SUSD3: variants seen among roughly 807,000 people sequenced by gnomAD.
The protein encoded by SUSD3 is sushi domain containing 3, also known as sushi domain-containing protein 3.
SUSD3 carries 18 observed loss-of-function variants against 20.6 expected under a neutral mutation model. The ratio of observed to expected loss-of-function variants is 0.87; its 90% CI spans 0.60 to 1.30. SUSD3 has a LOEUF of 1.30. SUSD3 is among the 50% of genes most tolerant of loss of function. The pLI, the probability that SUSD3 is intolerant of heterozygous loss-of-function variation, is 0.00. For missense variants in SUSD3, 306 were observed against 346.9 expected (o/e 0.88, Z 0.94); for synonymous variants, 137 against 141.5 (o/e 0.97, Z 0.23).
intron 4 of SUSD3, among the ~76,000 whole-genome samples, chr9:93,083,599 G>A (rs1396317901): frequency 6.6e-6 from 1 of 152,224 alleles, no homozygotes; most frequent in East Asian, 1.9e-4. Context: ...CCGTTTTCCA[G>A]GTGAAGAACT....
At position 93,084,561 on chromosome 9, in the gene SUSD3, G is replaced by A. The variant is rs1415899889; in HGVS notation, c.582G>A (p.Lys194=). ...FTTDHGESTS[K]LASVTRSVDK... is the part of the protein sequence containing the mutation. ...GAGACCATGGTGAGAGCACCAGCAAGCTGGCCAGTGTGACCCGCAGCGTGG... is the reference window on the plus strand; with the variant it reads ...GAGACCATGGTGAGAGCACCAGCAAACTGGCCAGTGTGACCCGCAGCGTGG... Residue 194 remains lysine (K), a synonymous_variant, in exon 5 of 5, where the codon AAG becomes AAA. Transcript: ENST00000375472. 1 of 1,598,056 alleles carries A rather than the reference G, an allele frequency of 6.3e-7. No homozygotes were observed. Among genetic ancestry groups the A allele is most frequent in the Non-Finnish European group, 8.5e-7 (1 of 1,172,268 alleles).
At chr9:93,069,002 A>G (rs1228261383) in intron 1 of SUSD3, 1 of 612,766 alleles carries the variant, frequency 1.6e-6, no homozygotes, top group Non-Finnish European at 3.0e-6. Flanking sequence ...AGTAATGTGA[A>G]TGTGGTCTCT....
intron 1 of SUSD3, among the ~76,000 whole-genome samples, chr9:93,072,453 T>C (rs1435597752): frequency 1.3e-5 from 2 of 152,162 alleles, no homozygotes; most frequent in African/African-American, 4.8e-5. Context: ...GCACAGAGCC[T>C]CTGGTAGCCT....
chr9:93,071,301 A>G (rs1825901786), intron 1 of SUSD3, among the ~76,000 whole-genome samples: 1 of 152,238 alleles, frequency 6.6e-6, no homozygotes. Context: ...CTAAAACCTC[A>G]AAAGTAGGGA....
chr9:93,069,230 A>T, intron 1 of SUSD3: 1 of 683,918 alleles, frequency 1.5e-6, no homozygotes, highest in Non-Finnish European at 2.7e-6. Context: ...GATTGCTGTC[A>T]GTCACTTAGT....
At chr9:93,071,324 C>T (rs1825903013) in intron 1 of SUSD3, among the ~76,000 whole-genome samples, 1 of 152,220 alleles carries the variant, frequency 6.6e-6, no homozygotes, top group Non-Finnish European at 1.5e-5. Flanking sequence ...ACAGTGCAGC[C>T]TTCAGTCTGT....
intron 1 of SUSD3, among the ~76,000 whole-genome samples, chr9:93,073,477 T>C (rs1033756037): frequency 2.6e-5 from 4 of 152,122 alleles, no homozygotes; most frequent in African/African-American, 7.2e-5. Flanking sequence ...CTCAATCTCC[T>C]GCCCTCGTGA....
intron 4 of SUSD3, among the ~76,000 whole-genome samples, chr9:93,080,398 A>G (rs114737825): frequency 0.021 from 3,160 of 151,644 alleles, 135 homozygotes; most frequent in African/African-American, 0.073. Flanking sequence ...GAGAATGTCC[A>G]TAATCACACG....
intron 1 of SUSD3, 36 bp from the exon 2 acceptor site, chr9:93,075,748 C>A (rs746442286): frequency 4.0e-5 from 8 of 202,316 alleles, no homozygotes; most frequent in Admixed American, 6.1e-5. Flanking sequence ...CCACCCCCCC[C>A]CCCCCGCCAT....
chr9:93,067,657 G>A (rs1239072535), intron 1 of SUSD3, among the ~76,000 whole-genome samples: 1 of 151,078 alleles, frequency 6.6e-6, no homozygotes, highest in African/African-American at 2.4e-5. Flanking sequence ...GAGTGCGGTA[G>A]CCTGATCTCG....
intron 1 of SUSD3, among the ~76,000 whole-genome samples, chr9:93,064,391 G>A (rs1825628543): frequency 6.6e-6 from 1 of 152,206 alleles, no homozygotes; most frequent in African/African-American, 2.4e-5. Context: ...AATGATGCAG[G>A]CAGGACAGGC....
intron 4 of SUSD3, among the ~76,000 whole-genome samples, chr9:93,083,087 G>A (rs898962700): frequency 6.6e-5 from 10 of 152,366 alleles, no homozygotes; most frequent in East Asian, 1.9e-4. Context: ...GAGCCAGGGC[G>A]GGAGGGAGGC....
chr9:93,074,092 A>G (rs773280418), intron 1 of SUSD3, among the ~76,000 whole-genome samples: 8 of 152,310 alleles, frequency 5.3e-5, no homozygotes, highest in Non-Finnish European at 8.8e-5. Context: ...TGTTGTCGTT[A>G]TAATTTTATA....
rs377701616 is a variant in SUSD3 at position 93,079,462 on chromosome 9, C to T, written c.426-9C>T. 4.6e-4 allele frequency: 739 copies of T among 1,613,646 alleles called. 9 individuals carry two copies. In the South Asian group the frequency reaches 7.7e-3, roughly 17 times the overall value. On this transcript the variant is annotated splice_polypyrimidine_tract_variant and intron_variant, in intron 3 of 4. Coordinates refer to ENST00000375472, the MANE Select transcript of SUSD3 (RefSeq NM_145006.4). ...TGCTCAGAGTCCTTCCTCCCAAACTCTCCTCCAGGTCAGCCCAGCTGTGGT... is the reference window on the plus strand; with the variant it reads ...TGCTCAGAGTCCTTCCTCCCAAACTTTCCTCCAGGTCAGCCCAGCTGTGGT...
chr9:93,065,173 C>T (rs2118917388), intron 1 of SUSD3, among the ~76,000 whole-genome samples: 1 of 152,288 alleles, frequency 6.6e-6, no homozygotes, highest in East Asian at 1.9e-4. Context: ...CTTCCGCCAG[C>T]ATTTTTCTTT....
At chr9:93,066,804 G>T (rs1053909060) in intron 1 of SUSD3, among the ~76,000 whole-genome samples, 1 of 152,064 alleles carries the variant, frequency 6.6e-6, no homozygotes, top group African/African-American at 2.4e-5. Context: ...CGCCTCCCGG[G>T]TTCAAGCGAT....
At chr9:93,075,347 A>G (rs1158026065) in intron 1 of SUSD3, among the ~76,000 whole-genome samples, 1 of 148,138 alleles carries the variant, frequency 6.8e-6, no homozygotes, top group Non-Finnish European at 1.5e-5. Flanking sequence ...ATTATTAGGG[A>G]GCCTCAGAAG....
chr9:93,061,215 G>T (rs2118897835), intron 1 of SUSD3, among the ~76,000 whole-genome samples: 1 of 152,350 alleles, frequency 6.6e-6, no homozygotes, highest in African/African-American at 2.4e-5. Flanking sequence ...CTGGAGAGGG[G>T]GTAGCAGGAG....
At chr9:93,075,395 ATC>A (rs1826086871) in intron 1 of SUSD3, among the ~76,000 whole-genome samples, 1 of 122,270 alleles carries the variant, frequency 8.2e-6, no homozygotes. Flanking sequence ...AAATCTGCTG[ATC>A]TCTCTCTGTC....
Sources: allele counts gnomAD v4.1 joint callset (sites outside exome capture counted in the v4.1 genomes callset), GRCh38; gene constraint gnomAD v4.1.1; transcripts MANE v1.5; gene names NCBI Gene and HGNC (gene_info 2026-07-23, HGNC 2026-07-21).